The following TET2 variants were observed in gnomAD, a reference collection of about 807,000 sequenced individuals.
The protein encoded by TET2 is methylcytosine dioxygenase TET2.
Under a neutral mutation model 142.9 loss-of-function variants are expected in TET2, and 299 were observed. The observed-to-expected ratio is 2.09, with a 90% CI of 1.90 to 2.30. TET2 has a LOEUF of 2.30. TET2 is among the 30% of genes most tolerant of loss of function. The pLI, the probability that TET2 is intolerant of heterozygous loss-of-function variation, is 0.00. For missense variants in TET2, 2,418 were observed against 2,378.0 expected (o/e 1.02, Z -0.35); for synonymous variants, 819 against 849.0 (o/e 0.96, Z 0.61).
At chr4:105,242,296 TAAAC>T in intron 4 of TET2, 2 of 1,080,228 alleles carry the variant, frequency 1.9e-6, no homozygotes, top group Non-Finnish European at 2.3e-6. Flanking sequence ...TTTTGTTTTT[TAAAC>T]AAGCAGTAGG....
In TET2 at chr4:105,269,683, C is replaced by G. The variant is rs1730856665; in HGVS notation, c.4118C>G (p.Ala1373Gly). Residue 1373 changes from alanine (A) to glycine (G), a missense_variant, in exon 9 of 11, where the codon GCA becomes GGA. Transcript: ENST00000380013. ...GGCCGTCCATTCTCAGGGGTCACTG[C>G]ATGTTTGGACTTCTGTGCTCATGCC... Reference protein sequence around the residue: ...KEGRPFSGVTACLDFCAHAHR... With the variant: ...KEGRPFSGVTGCLDFCAHAHR... The G allele has an allele frequency of 6.4e-7, 1 of 1,551,670 alleles. No homozygotes were observed. Among genetic ancestry groups the G allele is most frequent in the Non-Finnish European group, 8.7e-7 (1 of 1,146,956 alleles).
chr4:105,269,490 G>A lies in TET2; in HGVS notation c.4045-120G>A, dbSNP rs937432987. On this transcript the variant is annotated intron_variant, in intron 8 of 10. Transcript: ENST00000380013. ...TTTTGTGTCATTCCATTTTGTTTCT[G>A]GATATATATTTAAGTTCAAAACATT... 6.7e-6 allele frequency: 7 copies of A among 1,048,164 alleles called. No individual in the cohort carries two copies. The African/African-American group carries it at 1.1e-4, about 17-fold the overall frequency. 64.9% of individuals were successfully genotyped at this position (1,048,164 alleles called of 1,614,324 possible).
chr4:105,236,378 A>G lies in TET2; in HGVS notation c.2436A>G (p.Ile812Met). ...TGGGACTGGAGGAAGTACAGAATAT[A>G]AATCGTAGAAATTCCCCTTATAGTC... ...VQMGLEEVQN[I>M]NRRNSPYSQT... Residue 812 changes from isoleucine to methionine, a missense_variant, in exon 3 of 11, where the codon ATA (isoleucine) becomes ATG (methionine). Transcript: ENST00000380013. 6.2e-7 allele frequency: 1 copy of G among 1,614,020 alleles called. No individual in the cohort carries two copies. The highest frequency in any genetic ancestry group is 8.5e-7 in the Non-Finnish European group (1 of 1,180,014).
intron 1 of TET2, among the ~76,000 whole-genome samples, chr4:105,185,574 A>T (rs1725381414): frequency 6.6e-6 from 1 of 152,064 alleles, no homozygotes; most frequent in African/African-American, 2.4e-5. Context: ...AGGTCAGGAG[A>T]TCGAGACCAT....
chr4:105,182,622 A>G (rs1014038229), intron 1 of TET2, among the ~76,000 whole-genome samples: 38 of 152,370 alleles, frequency 2.5e-4, no homozygotes, highest in Non-Finnish European at 3.5e-4. Flanking sequence ...TCTTTAAAAA[A>G]GTATTTTTTA....
chr4:105,255,862 G>A (rs1293329619), intron 6 of TET2, among the ~76,000 whole-genome samples: 3 of 151,548 alleles, frequency 2.0e-5, no homozygotes, highest in Non-Finnish European at 4.4e-5. Context: ...CTTTTTTTGT[G>A]TTCAATAGAT....
Position 105,203,931 on chromosome 4 carries a change from T to C in TET2, c.-47+13426T>C, listed in dbSNP as rs529897161. On this transcript the variant is annotated intron_variant, in intron 2 of 10. Transcript: ENST00000380013. ...CTATTAGAAAACTGGCCAAGTGCAG[T>C]GGCTCATGCCTGTAATCGCAGCACT... 5.9e-5 allele frequency among the ~76,000 whole-genome samples: 9 copies of C among 152,264 alleles called. No individual in the cohort carries two copies. In the East Asian group the frequency reaches 1.7e-3, roughly 29 times the overall value.
intron 7 of TET2, among the ~76,000 whole-genome samples, chr4:105,261,070 CTT>C (rs537773871): frequency 6.8e-6 from 1 of 146,096 alleles, no homozygotes. Context: ...TGTCTCACAA[CTT>C]TTTTTTTTTA....
rs766713576 is a variant in TET2, at chr4:105,235,948, C to T, written c.2006C>T (p.Pro669Leu). 4 of 1,614,122 alleles carry T rather than the reference C, an allele frequency of 2.5e-6. No individual in the cohort carries two copies. Among genetic ancestry groups the T allele is most frequent in the Non-Finnish European group, 2.5e-6 (3 of 1,180,002 alleles). Reference protein sequence around the residue: ...QVHFSKTDHLPKAHVQSLCGT... With the variant: ...QVHFSKTDHLLKAHVQSLCGT... The stretch of plus-strand genomic sequence containing the variant: ...CACTTCTCCAAAACAGACCATTTAC[C>T]AAAAGCTCATGTGCAGTCACTGTGT... Residue 669 changes from proline to leucine, a missense_variant, in exon 3 of 11, where the codon CCA becomes CTA. Coordinates refer to ENST00000380013, the MANE Select transcript of TET2 (RefSeq NM_001127208.3).
chr4:105,165,465 A>G (rs1724104394), intron 1 of TET2, among the ~76,000 whole-genome samples: 1 of 152,246 alleles, frequency 6.6e-6, no homozygotes, highest in South Asian at 2.1e-4. Flanking sequence ...CAGTGTCATG[A>G]AATTTTAGGC....
intron 1 of TET2, chr4:105,171,445 T>C (rs1045046826): frequency 1.3e-5 from 2 of 152,226 alleles, no homozygotes; most frequent in Non-Finnish European, 2.9e-5. Context: ...ATATATGTTA[T>C]TGATCATAAT....
At chr4:105,240,394 C>A in intron 3 of TET2, 1 of 1,070,880 alleles carries the variant, frequency 9.3e-7, no homozygotes, top group Non-Finnish European at 1.1e-6. Flanking sequence ...AATATTTTTG[C>A]TGATGGATGT....
rs1560547062 is a variant in TET2 at position 105,236,825 on chromosome 4, ACAG to A, written c.2889_2891del (p.Gln964del). 1.2e-6 allele frequency: 2 copies of A among 1,614,170 alleles called. No homozygotes were observed. Among genetic ancestry groups the A allele is most frequent in the Non-Finnish European group, 1.7e-6 (2 of 1,180,022 alleles). The stretch of plus-strand genomic sequence containing the variant: ...GGTGGCATCTCTTACAGAAGCAAGA[ACAG>A]CAGCAAACACAGCAACCCCAAACTG... On this transcript the variant is annotated inframe_deletion, in exon 3 of 11. Transcript: ENST00000380013.
intron 6 of TET2, among the ~76,000 whole-genome samples, chr4:105,250,334 G>A (rs888033358): frequency 1.8e-4 from 26 of 145,198 alleles, no homozygotes; most frequent in African/African-American, 6.6e-4. Flanking sequence ...ATGTTTCTTG[G>A]GTTTCCATAT....
Position 105,234,687 on chromosome 4 carries a change from A to G in TET2, c.745A>G (p.Ile249Val). ...TGCGGTGCAGAAAACCACATCTCAC[A>G]TAAATGCCATTAACAGTCAGGCTAC... ...SIAVQKTTSH[I>V]NAINSQATNE... The change falls in exon 3 of 11, where the codon ATA becomes GTA. Residue 249 changes from isoleucine (I) to valine (V), a missense_variant. Ile to Val is a conservative substitution (Grantham distance 29). Coordinates refer to ENST00000380013, the MANE Select transcript of TET2 (RefSeq NM_001127208.3). The G allele has an allele frequency of 6.2e-7, 1 of 1,614,110 alleles. No homozygotes were observed.
intron 2 of TET2, among the ~76,000 whole-genome samples, chr4:105,224,482 TATA>T (rs1728051782): frequency 6.6e-6 from 1 of 152,154 alleles, no homozygotes; most frequent in Non-Finnish European, 1.5e-5. Context: ...GACTAGAATT[TATA>T]ATAAATTATT....
At chr4:105,242,606 C>T (rs956447014) in intron 4 of TET2, 5 of 1,243,538 alleles carry the variant, frequency 4.0e-6, no homozygotes, top group Middle Eastern at 3.1e-4. Context: ...ATGTAATTTA[C>T]AAAATAGTTC....
At chr4:105,223,339 T>G (rs948896430) in intron 2 of TET2, among the ~76,000 whole-genome samples, 2 of 152,172 alleles carry the variant, frequency 1.3e-5, no homozygotes, top group Non-Finnish European at 2.9e-5. Flanking sequence ...ATTATGTTTT[T>G]AAAATTTTAG....
chr4:105,272,936 C>T lies in TET2; in HGVS notation c.4537+18C>T. ...GTTGGCAGGTAAATTTAATGTAAAG[C>T]ATTTGTAGATAAATGTGTTGTGTGG... On this transcript the variant is annotated intron_variant, in intron 10 of 10. Transcript: ENST00000380013. 2.0e-6 allele frequency: 3 copies of T among 1,495,204 alleles called. No homozygotes were observed. The highest frequency in any genetic ancestry group is 2.7e-6 in the Non-Finnish European group (3 of 1,118,046). 92.6% of individuals were successfully genotyped at this position (1,495,204 alleles called of 1,614,324 possible). A position where few individuals can be genotyped will look rare whatever the true frequency, so the allele number is the denominator to read the frequency against.
Sources: allele counts gnomAD v4.1 joint callset (sites outside exome capture counted in the v4.1 genomes callset), GRCh38; gene constraint gnomAD v4.1.1; transcripts MANE v1.5; gene names NCBI Gene and HGNC (gene_info 2026-07-23, HGNC 2026-07-21).